SYNE2: variants seen among roughly 807,000 people sequenced by gnomAD.
SYNE2 encodes spectrin repeat containing nuclear envelope protein 2.
A neutral mutation model predicts 856.3 loss-of-function variants in SYNE2; 431 were observed. That is an observed-to-expected ratio of 0.50 (90% CI 0.47 to 0.55). The LOEUF (loss-of-function observed/expected upper bound fraction) is 0.55, where lower values mean the gene tolerates loss of function less well. SYNE2 is among the 20% of genes least tolerant of loss of function. The pLI, the probability that SYNE2 is intolerant of heterozygous loss-of-function variation, is 0.00. For synonymous variants in SYNE2, 2,923 were observed against 2,872.3 expected (o/e 1.02, Z -0.56); for missense variants, 8,129 against 8,023.2 (o/e 1.01, Z -0.50).
At chr14:63,814,509 T>C (rs1427861250) in intron 1 of SYNE2, among the ~76,000 whole-genome samples, 3 of 141,980 alleles carry the variant, frequency 2.1e-5, no homozygotes, top group African/African-American at 7.7e-5. Flanking sequence ...ATATATAATA[T>C]ATATATCCAT....
chr14:64,142,841 A>C (rs2098150536), intron 82 of SYNE2, among the ~76,000 whole-genome samples: 1 of 152,226 alleles, frequency 6.6e-6, no homozygotes, highest in African/African-American at 2.4e-5. Flanking sequence ...TGTGATATTT[A>C]ATTTCAAGTA....
In SYNE2 at chr14:64,212,015, T is replaced by C; in HGVS notation, c.18778T>C (p.Trp6260Arg). The C allele has an allele frequency of 6.2e-7, 1 of 1,614,190 alleles. No homozygotes were observed. The highest frequency in any genetic ancestry group is 2.2e-5 in the East Asian group (1 of 44,886). The change falls in exon 104 of 116, where the codon TGG becomes CGG. Residue 6260 changes from tryptophan to arginine, a missense_variant. By Grantham distance (101) the Trp-to-Arg change is moderately radical. Coordinates refer to ENST00000555002, the MANE Select transcript of SYNE2 (RefSeq NM_182914.3). ...FEGTRESILV[W>R]LTEMDLQLTN... ...GGGCACCAGGGAGAGCATTCTGGTG[T>C]GGCTCACAGAGATGGACCTGCAGCT...
intron 1 of SYNE2, among the ~76,000 whole-genome samples, chr14:63,862,071 A>T (rs939074981): frequency 1.2e-4 from 19 of 152,194 alleles, no homozygotes; most frequent in African/African-American, 4.3e-4. Context: ...ACATCATATC[A>T]TTTTATCCTT....
At chr14:64,224,968 A>G (rs757684341) in intron 114 of SYNE2, 31 bp from the exon 115 acceptor site, 29 of 1,611,676 alleles carry the variant, frequency 1.8e-5, no homozygotes, top group Middle Eastern at 1.6e-4. Flanking sequence ...ACTGTCTTCA[A>G]CTTACTAACT....
Position 64,073,820 on chromosome 14 carries a change from T to C in SYNE2, c.10698-148T>C, listed in dbSNP as rs758062465. On this transcript the variant is annotated intron_variant, in intron 52 of 115. Coordinates refer to ENST00000555002, the MANE Select transcript of SYNE2 (RefSeq NM_182914.3). ...GTTTTTATATGTGGTACATCCATTA[T>C]TGAAAATTGTTACTTTTTTTCTTAG... 4.5e-5 allele frequency: 37 copies of C among 820,090 alleles called. No individual in the cohort carries two copies. The Admixed American group carries it at 5.6e-4, about 12-fold the overall frequency. The allele number at this position is 820,090 out of a possible 1,614,324, so 50.8% of individuals were successfully genotyped here. A position where few individuals can be genotyped will look rare whatever the true frequency, so the allele number is the denominator to read the frequency against.
rs759852453 is a variant in SYNE2, at chr14:64,170,238, A to G, written c.17011A>G (p.Ile5671Val). 1 of 1,613,852 alleles carries G rather than the reference A, an allele frequency of 6.2e-7. No individual in the cohort carries two copies. The highest frequency in any genetic ancestry group is 1.7e-5 in the Admixed American group (1 of 60,028). Residue 5671 changes from isoleucine (I) to valine (V), a missense_variant, in exon 94 of 116, where the codon ATT becomes GTT. Coordinates refer to ENST00000555002, the MANE Select transcript of SYNE2 (RefSeq NM_182914.3). ...TTTGTTTTTCCCCAGACCAGAATTTATTACAGAATTCTCAAAGCTGACGGA... is the reference window on the plus strand; with the variant it reads ...TTTGTTTTTCCCCAGACCAGAATTTGTTACAGAATTCTCAAAGCTGACGGA... ...TTEIENRPEF[I>V]TEFSKLTDRW...
intron 88 of SYNE2, among the ~76,000 whole-genome samples, 180 bp from the exon 89 acceptor site, chr14:64,163,222 G>A (rs1339282908): frequency 6.6e-6 from 1 of 152,198 alleles, no homozygotes; most frequent in Non-Finnish European, 1.5e-5. Flanking sequence ...AAAAGCGCCA[G>A]TGATATACAT....
intron 30 of SYNE2, 128 bp downstream of exon 30, chr14:64,003,458 G>A (rs545993917): frequency 1.8e-5 from 23 of 1,269,028 alleles, no homozygotes; most frequent in Non-Finnish European, 2.3e-5. Flanking sequence ...TCAGTGTTCA[G>A]CATTCTTTTC....
At chr14:63,813,025 A>G (rs927861436) in intron 1 of SYNE2, among the ~76,000 whole-genome samples, 2 of 152,212 alleles carry the variant, frequency 1.3e-5, no homozygotes, top group Non-Finnish European at 2.9e-5. Flanking sequence ...GGGGACCTCA[A>G]GAAGAGAGGA....
At chr14:64,133,705 C>T (rs1414942524) in intron 77 of SYNE2, among the ~76,000 whole-genome samples, 2 of 152,178 alleles carry the variant, frequency 1.3e-5, no homozygotes, top group African/African-American at 2.4e-5. Flanking sequence ...TTAGCTCTTT[C>T]CCTTTCCTAA....
rs373616247 is a variant in SYNE2 at position 64,073,666 on chromosome 14, T to C, written c.10698-302T>C. Among the ~76,000 whole-genome samples, 237 of 152,332 alleles carry C rather than the reference T, an allele frequency of 1.6e-3. 7 individuals are homozygous for C. The South Asian group carries it at 0.047, about 30-fold the overall frequency. ...CATTCACACCTCTAAGTCATTTTCA[T>C]GTGAGCTCAAGGATTACGTGGAGAA... On this transcript the variant is annotated intron_variant, in intron 52 of 115. Coordinates refer to ENST00000555002, the MANE Select transcript of SYNE2 (RefSeq NM_182914.3).
At chr14:64,014,536 C>T (rs1009350207) in intron 32 of SYNE2, among the ~76,000 whole-genome samples, 3 of 152,136 alleles carry the variant, frequency 2.0e-5, no homozygotes, top group African/African-American at 7.2e-5. Flanking sequence ...AAGCAATTCT[C>T]CTATCTCAGA....
In SYNE2 at chr14:64,122,320, G is replaced by A; in HGVS notation, c.13315G>A (p.Asp4439Asn). Reference sequence around the variant, plus strand: ...ATCCAGCCCTGAAAATGACGTTCCAGACTCGATCTTGTCACCCCAGGGCCA... The same window carrying A: ...ATCCAGCCCTGAAAATGACGTTCCAAACTCGATCTTGTCACCCCAGGGCCA... ...QASSPENDVP[D>N]SILSPQGQNG... Residue 4439 changes from aspartate (D) to asparagine (N), a missense_variant, in exon 70 of 116, where the codon GAC (aspartate) becomes AAC (asparagine). By Grantham distance (23) the Asp-to-Asn change is conservative. Coordinates refer to ENST00000555002, the MANE Select transcript of SYNE2 (RefSeq NM_182914.3). 1 of 1,614,136 alleles carries A rather than the reference G, an allele frequency of 6.2e-7. No individual in the cohort carries two copies. Among genetic ancestry groups the A allele is most frequent in the Non-Finnish European group, 8.5e-7 (1 of 1,180,026 alleles).
chr14:63,990,294 A>C, intron 19 of SYNE2, 117 bp from the exon 20 acceptor site: 1 of 934,568 alleles, frequency 1.1e-6, no homozygotes, highest in South Asian at 1.6e-5. Flanking sequence ...TCAGAATGCA[A>C]ATTTGCCTGA....
At chr14:63,762,432 T>C in intron 1 of SYNE2, among the ~76,000 whole-genome samples, 1 of 105,128 alleles carries the variant, frequency 9.5e-6, no homozygotes. Flanking sequence ...TGAAACTCCA[T>C]CTCAAAAAAA....
intron 6 of SYNE2, among the ~76,000 whole-genome samples, chr14:63,946,590 A>T (rs2096033178): frequency 6.8e-6 from 1 of 147,758 alleles, no homozygotes; most frequent in Admixed American, 6.8e-5. Context: ...AGTATATATT[A>T]TATATATACT....
intron 49 of SYNE2, among the ~76,000 whole-genome samples, chr14:64,061,452 A>T (rs1332590974): frequency 6.6e-6 from 1 of 152,196 alleles, no homozygotes; most frequent in Admixed American, 6.5e-5. Context: ...TTAATGCCAA[A>T]TGATTTTGCC....
At position 64,002,795 on chromosome 14, in the gene SYNE2, G is replaced by A; in HGVS notation, c.3862G>A (p.Glu1288Lys). ...LEEPGNFVLK[E>K]LHPFDLHAMQ... ...AGAGCCAGGCAACTTTGTATTAAAG[G>A]AGTTACACCCATTTGATCTACACGC... The change falls in exon 30 of 116, where the codon GAG becomes AAG. Residue 1288 changes from glutamate (E) to lysine (K), a missense_variant. Physicochemically the swap from Glu to Lys is moderately conservative, Grantham distance 56. Around this residue, in one of 3 missense-constraint regions of SYNE2, gnomAD observed 2,422 missense variants for 2,357.4 expected, o/e 1.03. Coordinates refer to ENST00000555002, the MANE Select transcript of SYNE2 (RefSeq NM_182914.3). The A allele has an allele frequency of 1.2e-6, 2 of 1,601,428 alleles. No homozygotes were observed. Among genetic ancestry groups the A allele is most frequent in the Non-Finnish European group, 1.7e-6 (2 of 1,174,436 alleles).
chr14:64,188,946 C>T, intron 98 of SYNE2: 1 of 703,758 alleles, frequency 1.4e-6, no homozygotes, highest in Non-Finnish European at 2.6e-6. Context: ...GTTGCTTTCT[C>T]TCCATTAGAA....
Sources: allele counts gnomAD v4.1 joint callset (sites outside exome capture counted in the v4.1 genomes callset), GRCh38; gene constraint gnomAD v4.1.1; regional missense constraint gnomAD v4.1.1; transcripts MANE v1.5; gene names NCBI Gene and HGNC (gene_info 2026-07-23, HGNC 2026-07-21).